DCLK1: variants seen among roughly 807,000 people sequenced by gnomAD.
The protein encoded by DCLK1 is serine/threonine-protein kinase DCLK1.
DCLK1 carries 16 observed loss-of-function variants against 86.2 expected under a neutral mutation model. The observed-to-expected ratio is 0.19, with a 90% CI of 0.13 to 0.28. The LOEUF (loss-of-function observed/expected upper bound fraction) is 0.28. Among genes scored for constraint, DCLK1 ranks in the 10% least tolerant of loss-of-function variants. DCLK1 has a pLI of 1.00. For missense variants in DCLK1, 590 were observed against 940.2 expected (o/e 0.63, Z 4.87); for synonymous variants, 369 against 370.5 (o/e 1.00, Z 0.05).
At chr13:35,995,146 C>CTTTTGTA (rs1880414854) in intron 3 of DCLK1, among the ~76,000 whole-genome samples, 2 of 152,126 alleles carry the variant, frequency 1.3e-5, no homozygotes, top group Non-Finnish European at 2.9e-5. Context: ...TTTCTTAAAC[C>CTTTTGTA]TCTGCTCCAA....
rs573435341 is a variant in DCLK1, at chr13:36,107,482, A to G, written c.723+4387T>C. ...GAAATGTCTATAAGATAAAAATATA[A>G]CATCTCTGGGTTTTTTTCTCTTCAC... On this transcript the variant is annotated intron_variant, in intron 3 of 16. Transcript: ENST00000360631. Among the ~76,000 whole-genome samples, 38 of 152,168 alleles carry G rather than the reference A, an allele frequency of 2.5e-4. No homozygotes were observed. The East Asian group carries it at 3.7e-3, about 15-fold the overall frequency.
At chr13:35,798,759 C>A (rs1006098878) in intron 15 of DCLK1, among the ~76,000 whole-genome samples, 1 of 152,200 alleles carries the variant, frequency 6.6e-6, no homozygotes, top group African/African-American at 2.4e-5. Context: ...TATATTATTG[C>A]AGTGTCATTG....
intron 3 of DCLK1, among the ~76,000 whole-genome samples, chr13:35,994,525 A>G (rs1880389049): frequency 6.6e-6 from 1 of 152,250 alleles, no homozygotes; most frequent in African/African-American, 2.4e-5. Context: ...CAATTCTGCA[A>G]GACAGTTTGC....
At chr13:35,778,122 C>CT (rs1269160457) in intron 16 of DCLK1, among the ~76,000 whole-genome samples, 3 of 152,206 alleles carry the variant, frequency 2.0e-5, no homozygotes, top group Non-Finnish European at 4.4e-5. Flanking sequence ...AACTTTGTGG[C>CT]TTTTGAGATA....
At chr13:35,943,233 C>T (rs149268195) in intron 4 of DCLK1, among the ~76,000 whole-genome samples, 1 of 152,232 alleles carries the variant, frequency 6.6e-6, no homozygotes, top group Non-Finnish European at 1.5e-5. Flanking sequence ...AGTGATGATG[C>T]TGCCACAAGC....
At chr13:35,785,749 C>A (rs1566530514) in intron 16 of DCLK1, among the ~76,000 whole-genome samples, 2 of 152,134 alleles carry the variant, frequency 1.3e-5, no homozygotes, top group African/African-American at 2.4e-5. Flanking sequence ...TTAAACACAA[C>A]AATTGGGAGC....
intron 3 of DCLK1, among the ~76,000 whole-genome samples, chr13:36,075,387 A>G (rs886191905): frequency 3.3e-5 from 5 of 152,160 alleles, no homozygotes; most frequent in Non-Finnish European, 7.3e-5. Flanking sequence ...GAGTTAGGGG[A>G]AAATATGAAT....
intron 4 of DCLK1, among the ~76,000 whole-genome samples, chr13:35,923,528 C>G (rs1202966291): frequency 2.6e-5 from 4 of 151,878 alleles, no homozygotes; most frequent in Admixed American, 2.0e-4. Flanking sequence ...TAGGAGGGAG[C>G]AGTGGGGGGT....
intron 3 of DCLK1, among the ~76,000 whole-genome samples, chr13:36,025,832 T>G (rs1350005378): frequency 6.6e-6 from 1 of 152,090 alleles, no homozygotes; most frequent in Admixed American, 6.6e-5. Flanking sequence ...AAAAAAAAAT[T>G]TAGACGTGAT....
intron 3 of DCLK1, among the ~76,000 whole-genome samples, chr13:35,957,371 G>T (rs1878048994): frequency 6.6e-6 from 1 of 152,084 alleles, no homozygotes; most frequent in Non-Finnish European, 1.5e-5. Context: ...TACTCAACAT[G>T]CACACAAATG....
At chr13:35,867,848 G>GAAGAAAGAAAGAAAGAAGGA (rs1263617136) in intron 5 of DCLK1, among the ~76,000 whole-genome samples, 5 of 126,150 alleles carry the variant, frequency 4.0e-5, no homozygotes, top group African/African-American at 1.2e-4. Flanking sequence ...CTTAAAGGGA[G>GAAGAAAGAAAGAAAGAAGGA]AAGAAAGAAA....
intron 3 of DCLK1, among the ~76,000 whole-genome samples, chr13:36,037,209 T>C (rs551502020): frequency 6.6e-6 from 1 of 151,994 alleles, no homozygotes; most frequent in East Asian, 1.9e-4. Flanking sequence ...CTCATGAAGA[T>C]AGAGAATAGA....
In DCLK1 at chr13:35,814,431, C is replaced by A. The variant is rs143997203; in HGVS notation, c.1555-3463G>T. Among the ~76,000 whole-genome samples, 253 of 152,306 alleles carry A rather than the reference C, an allele frequency of 1.7e-3. 1 individual carries two copies. The highest frequency in any genetic ancestry group is 3.5e-3 in the African/African-American group (147 of 41,570). ...TGCCAAATCCTTGGCTTAGACTGCT[C>A]TCTGGATTGACTTGTTACTTGGCGT... On this transcript the variant is annotated intron_variant, in intron 11 of 16. Transcript: ENST00000360631.
chr13:36,004,519 C>T (rs1880859861), intron 3 of DCLK1, among the ~76,000 whole-genome samples: 2 of 152,124 alleles, frequency 1.3e-5, no homozygotes. Flanking sequence ...TTAATAAATT[C>T]ATGTTATCTT....
At position 35,892,798 on chromosome 13, in the gene DCLK1, C is replaced by A. The variant is rs114252928; in HGVS notation, c.824-21458G>T. ...CCCTTTATGTAACATTGTCTGGTAG[C>A]CCCTCCTGTTAAACACCTCTGGATC... is the stretch of plus-strand genomic sequence containing the variant. On this transcript the variant is annotated intron_variant, in intron 4 of 16. Coordinates refer to ENST00000360631, the MANE Select transcript of DCLK1 (RefSeq NM_001330071.2). 3.7e-3 allele frequency among the ~76,000 whole-genome samples: 561 copies of A among 152,282 alleles called. 1 individual carries two copies. The highest frequency in any genetic ancestry group is 0.013 in the African/African-American group (547 of 41,554).
In DCLK1 at chr13:36,091,329, C is replaced by T. The variant is rs144582072; in HGVS notation, c.723+20540G>A. On this transcript the variant is annotated intron_variant, in intron 3 of 16. Coordinates refer to ENST00000360631, the MANE Select transcript of DCLK1 (RefSeq NM_001330071.2). The stretch of plus-strand genomic sequence containing the variant: ...ATGTATACTATGCAACAAACCTGCA[C>T]GTTCTGCACATGTATCCCAGAACTT... 3.3e-3 allele frequency among the ~76,000 whole-genome samples: 499 copies of T among 152,090 alleles called. 1 individual carries two copies. Among genetic ancestry groups the T allele is most frequent in the African/African-American group, 0.012 (478 of 41,500 alleles).
intron 3 of DCLK1, among the ~76,000 whole-genome samples, chr13:36,036,879 G>A (rs1213468266): frequency 6.6e-6 from 1 of 152,042 alleles, no homozygotes; most frequent in East Asian, 1.9e-4. Flanking sequence ...TCCTCTACTG[G>A]GTGTATATCC....
intron 4 of DCLK1, among the ~76,000 whole-genome samples, chr13:35,898,248 T>C (rs892383055): frequency 6.6e-6 from 1 of 152,128 alleles, no homozygotes; most frequent in Non-Finnish European, 1.5e-5. Flanking sequence ...CCTAGAAGAG[T>C]AAGCAGTAAG....
chr13:35,792,273 C>T (rs962491970), intron 16 of DCLK1, among the ~76,000 whole-genome samples: 1 of 152,116 alleles, frequency 6.6e-6, no homozygotes. Flanking sequence ...TGCATGCATT[C>T]GTACCATTTG....
Sources: gnomAD v4.1 joint callset for allele counts (sites outside exome capture counted in the v4.1 genomes callset) on GRCh38, gnomAD v4.1.1 for gene constraint, MANE v1.5 for transcripts, NCBI Gene and HGNC (gene_info 2026-07-23, HGNC 2026-07-21) for gene names.